The following PIAS1 variants were observed in gnomAD, a reference collection of about 807,000 sequenced individuals.
PIAS1 encodes the protein E3 SUMO-protein ligase PIAS1.
In PIAS1, 6 loss-of-function variants were observed where a neutral mutation model predicts 71.3. The observed-to-expected ratio is 0.08, with a 90% CI of 0.05 to 0.17. The LOEUF is 0.17. PIAS1 is among the 10% of genes least tolerant of loss of function. PIAS1 has a pLI of 1.00. For synonymous variants in PIAS1, 303 were observed against 292.9 expected, an observed-to-expected ratio of 1.03 and a Z score of -0.35; for missense variants, 555 against 793.6, an observed-to-expected ratio of 0.70 and a Z score of 3.61.
intron 2 of PIAS1, among the ~76,000 whole-genome samples, chr15:68,125,603 A>G (rs1489669321): frequency 1.3e-5 from 2 of 152,224 alleles, no homozygotes; most frequent in East Asian, 1.9e-4. Flanking sequence ...CTTCAACATA[A>G]GAATAATTTT....
rs144033488 is a variant in PIAS1, at chr15:68,094,313, G to T, written c.469+7563G>T. Among the ~76,000 whole-genome samples the T allele has an allele frequency of 6.4e-3, 969 of 151,526 alleles. 7 individuals carry two copies. Among genetic ancestry groups the T allele is most frequent in the East Asian group, 0.036 (184 of 5,172 alleles). On this transcript the variant is annotated intron_variant, in intron 2 of 13. Transcript: ENST00000249636. The stretch of plus-strand genomic sequence containing the variant: ...CTATTTAAAGTAGAATATTTCTTTG[G>T]AGATATTTACACCTCTTTTAGGCTT...
At chr15:68,136,979 TA>T (rs546780723) in intron 2 of PIAS1, among the ~76,000 whole-genome samples, 51 of 152,198 alleles carry the variant, frequency 3.4e-4, no homozygotes, top group Admixed American at 7.9e-4. Context: ...AGATGTGAAT[TA>T]AACTTCTCAA....
At chr15:68,160,490 A>C (rs1253138359) in intron 7 of PIAS1, among the ~76,000 whole-genome samples, 2 of 152,154 alleles carry the variant, frequency 1.3e-5, no homozygotes, top group Non-Finnish European at 2.9e-5. Flanking sequence ...ATGCCAAACG[A>C]GTCTTAATTA....
intron 2 of PIAS1, among the ~76,000 whole-genome samples, chr15:68,133,057 A>G (rs568410480): frequency 9.9e-5 from 15 of 151,612 alleles, no homozygotes; most frequent in Non-Finnish European, 1.5e-4. Flanking sequence ...GTAGTAGCAT[A>G]CTGTATTTTT....
At chr15:68,143,436 A>G (rs963679156) in intron 4 of PIAS1, among the ~76,000 whole-genome samples, 18 of 152,268 alleles carry the variant, frequency 1.2e-4, no homozygotes, top group Non-Finnish European at 2.4e-4. Context: ...GTTGAGTTGA[A>G]GATTCTAAAG....
chr15:68,166,758 A>G (rs1396513394), intron 8 of PIAS1, among the ~76,000 whole-genome samples: 11 of 152,218 alleles, frequency 7.2e-5, no homozygotes, highest in South Asian at 4.1e-4. Flanking sequence ...CTGTGTTTCA[A>G]TTCTGTAGTG....
At chr15:68,095,527 C>CTTT (rs1161480690) in intron 2 of PIAS1, among the ~76,000 whole-genome samples, 6 of 131,976 alleles carry the variant, frequency 4.5e-5, no homozygotes, top group East Asian at 2.1e-4. Context: ...TTAAGACATT[C>CTTT]TTTTTTTTTT....
At chr15:68,112,629 A>G (rs890301170) in intron 2 of PIAS1, among the ~76,000 whole-genome samples, 3 of 152,236 alleles carry the variant, frequency 2.0e-5, no homozygotes, top group African/African-American at 7.2e-5. Flanking sequence ...CAATAAGGGT[A>G]TGAAAAGTAG....
intron 2 of PIAS1, among the ~76,000 whole-genome samples, chr15:68,113,761 G>A (rs1010613052): frequency 2.0e-5 from 3 of 152,054 alleles, no homozygotes; most frequent in Non-Finnish European, 2.9e-5. Context: ...GGCTTATTAG[G>A]AACCTGATAA....
chr15:68,140,078 A>G (rs762006068), intron 2 of PIAS1, among the ~76,000 whole-genome samples: 5 of 152,206 alleles, frequency 3.3e-5, no homozygotes, highest in Non-Finnish European at 5.9e-5. Flanking sequence ...TAGCAACCCC[A>G]TGAGCATTAC....
chr15:68,055,293 A>G (rs1156530272), intron 1 of PIAS1: 8 of 811,190 alleles, frequency 9.9e-6, no homozygotes, highest in Non-Finnish European at 1.2e-5. Flanking sequence ...CTTGCTGGCC[A>G]TGTTGATTTG....
intron 2 of PIAS1, among the ~76,000 whole-genome samples, chr15:68,132,980 T>C (rs1053547591): frequency 6.6e-6 from 1 of 151,838 alleles, no homozygotes; most frequent in African/African-American, 2.4e-5. Flanking sequence ...TTTCTTTTCT[T>C]TTCTTTTTTT....
Position 68,054,386 on chromosome 15 carries a change from C to T in PIAS1, c.24+36C>T. 1 of 1,555,634 alleles carries T rather than the reference C, an allele frequency of 6.4e-7. No homozygotes were observed. Reference sequence around the variant, plus strand: ...GCTCGAATTCACTTCTAATATTCGGCCGCGGAGACGGCGCCGCTGCTGCCA... The same window carrying T: ...GCTCGAATTCACTTCTAATATTCGGTCGCGGAGACGGCGCCGCTGCTGCCA... On this transcript the variant is annotated intron_variant, in intron 1 of 13. Transcript: ENST00000249636. The surrounding 1 kb of genome is among the most constrained non-coding windows in gnomAD (Gnocchi z 4.6).
intron 2 of PIAS1, among the ~76,000 whole-genome samples, chr15:68,117,628 C>T (rs772618737): frequency 6.6e-6 from 1 of 152,174 alleles, no homozygotes; most frequent in Non-Finnish European, 1.5e-5. Context: ...TCTTACTATG[C>T]ATGGCCTATT....
At chr15:68,131,685 C>G (rs1317917743) in intron 2 of PIAS1, among the ~76,000 whole-genome samples, 1 of 152,128 alleles carries the variant, frequency 6.6e-6, no homozygotes, top group African/African-American at 2.4e-5. Flanking sequence ...GAATCTCTCT[C>G]TGTTTTAAGG....
At chr15:68,130,676 A>T (rs1183846092) in intron 2 of PIAS1, among the ~76,000 whole-genome samples, 1 of 151,700 alleles carries the variant, frequency 6.6e-6, no homozygotes, top group Non-Finnish European at 1.5e-5. Flanking sequence ...TTAAAAAAAA[A>T]AAAAAAAAGC....
chr15:68,149,086 G>T (rs1394769074), intron 6 of PIAS1, among the ~76,000 whole-genome samples: 1 of 152,078 alleles, frequency 6.6e-6, no homozygotes, highest in Non-Finnish European at 1.5e-5. Flanking sequence ...GTTTTGTTTT[G>T]TTTTTGTTTT....
At chr15:68,061,390 G>C (rs554301180) in intron 1 of PIAS1, 1 of 152,068 alleles carries the variant, frequency 6.6e-6, no homozygotes, top group Non-Finnish European at 1.5e-5. Flanking sequence ...CTCTACTCTT[G>C]GTTTCAGTAG....
At chr15:68,107,387 A>G (rs2092481019) in intron 2 of PIAS1, among the ~76,000 whole-genome samples, 1 of 152,150 alleles carries the variant, frequency 6.6e-6, no homozygotes, top group African/African-American at 2.4e-5. Context: ...GAAAGTGACC[A>G]TAATAGTGTG....
Sources: allele counts gnomAD v4.1 joint callset (sites outside exome capture counted in the v4.1 genomes callset), GRCh38; gene constraint gnomAD v4.1.1; non-coding constraint Gnocchi (gnomAD v3.1); transcripts MANE v1.5; gene names NCBI Gene and HGNC (gene_info 2026-07-23, HGNC 2026-07-21).